The following PDE4D variants were observed in gnomAD, a reference collection of about 807,000 sequenced individuals.
The protein encoded by PDE4D is 3',5'-cyclic-AMP phosphodiesterase 4D.
In PDE4D, 24 loss-of-function variants were observed where a neutral mutation model predicts 87.4. The observed-to-expected ratio is 0.27, with a 90% CI of 0.20 to 0.39. PDE4D has a LOEUF of 0.39. Ranked by LOEUF, PDE4D falls within the 10% of genes least tolerant of loss-of-function variation. The pLI, the probability that PDE4D is intolerant of heterozygous loss-of-function variation, is 1.00. For synonymous variants in PDE4D, 384 were observed against 383.2 expected, an observed-to-expected ratio of 1.00 and a Z score of -0.02; for missense variants, 714 against 1,041.0, an observed-to-expected ratio of 0.69 and a Z score of 4.32.
Position 59,988,612 on chromosome 5 carries a change from G to C in PDE4D, c.148C>G (p.Pro50Ala), listed in dbSNP as rs745781053. Residue 50 changes from proline to alanine, a missense_variant, in exon 3 of 17, where the codon CCT (proline) becomes GCT (alanine). Transcript: ENST00000502484. Reference sequence around the variant, plus strand: ...TGTTCCAACTGTCTGAAGGCGAGAGGGGGAAGCTGAATATTGCGACATGAA... The same window carrying C: ...TGTTCCAACTGTCTGAAGGCGAGAGCGGGAAGCTGAATATTGCGACATGAA... The C allele has an allele frequency of 6.9e-6, 11 of 1,599,204 alleles. No homozygotes were observed. In the East Asian group the frequency reaches 8.9e-5, roughly 13 times the overall value.
Position 59,659,468 on chromosome 5 carries a change from G to A in PDE4D, c.455+233700C>T, listed in dbSNP as rs139237265. 2.1e-3 allele frequency among the ~76,000 whole-genome samples: 327 copies of A among 152,318 alleles called. 5 individuals are homozygous for A. Among genetic ancestry groups the A allele is most frequent in the African/African-American group, 7.7e-3 (319 of 41,582 alleles). ...CTAGCTGAGTGGAGAAAACTGTGAA[G>A]AAAATGAAAATCACAACTGATAAGT... On this transcript the variant is annotated intron_variant, in intron 1 of 14. Transcript: ENST00000340635.
rs1425199995 is a variant in PDE4D, at chr5:60,474,143, TATATATAACA to T, written c.-90+13789_-90+13798del. 5.5e-3 allele frequency among the ~76,000 whole-genome samples: 540 copies of T among 97,888 alleles called. 10 individuals are homozygous for T. The highest frequency in any genetic ancestry group is 0.033 in the African/African-American group (503 of 15,132). The allele number at this position is 97,888 out of a possible 152,430, so 64.2% of individuals were successfully genotyped here. ...ATATATATATATATATATATATATA[TATATATAACA>T]AAAACCTTAGACTGGGCAATTTATA... On this transcript the variant is annotated intron_variant, in intron 1 of 16. Transcript: ENST00000502484.
intron 1 of PDE4D, among the ~76,000 whole-genome samples, chr5:59,756,181 G>T (rs1433631375): frequency 6.6e-6 from 1 of 151,372 alleles, no homozygotes; most frequent in Admixed American, 6.6e-5. Context: ...AACTATGAAG[G>T]GTTTTTTTTT....
chr5:59,727,572 G>C (rs1050386668), intron 1 of PDE4D, among the ~76,000 whole-genome samples: 3 of 152,012 alleles, frequency 2.0e-5, no homozygotes, highest in Admixed American at 2.0e-4. Context: ...AAATAAAAAA[G>C]GGGAAATAAG....
chr5:59,554,019 C>T (rs1818512867), intron 1 of PDE4D, among the ~76,000 whole-genome samples: 1 of 152,114 alleles, frequency 6.6e-6, no homozygotes, highest in South Asian at 2.1e-4. Context: ...AGCTTTCTTC[C>T]TCAGGGCAGC....
chr5:59,716,150 G>A (rs1272681795), intron 1 of PDE4D, among the ~76,000 whole-genome samples: 1 of 152,238 alleles, frequency 6.6e-6, no homozygotes. Context: ...ATGACTCAGT[G>A]AGTTTGGAGC....
chr5:60,301,352 A>G (rs1368521311), intron 1 of PDE4D, among the ~76,000 whole-genome samples: 1 of 152,136 alleles, frequency 6.6e-6, no homozygotes, highest in Non-Finnish European at 1.5e-5. Context: ...TGAGCATGAA[A>G]TGTTGTTCCA....
intron 1 of PDE4D, among the ~76,000 whole-genome samples, chr5:59,231,212 C>A (rs1302223191): frequency 6.6e-6 from 1 of 152,134 alleles, no homozygotes; most frequent in Non-Finnish European, 1.5e-5. Context: ...TGGAATCTGG[C>A]TGAAGACAAA....
chr5:59,628,355 G>A (rs530262598), intron 1 of PDE4D, among the ~76,000 whole-genome samples: 28 of 152,286 alleles, frequency 1.8e-4, no homozygotes, highest in African/African-American at 6.5e-4. Context: ...ATGCTTCTAT[G>A]TCTAGAAATG....
intron 1 of PDE4D, among the ~76,000 whole-genome samples, chr5:59,475,748 C>G (rs1286986713): frequency 6.6e-6 from 1 of 152,056 alleles, no homozygotes; most frequent in Non-Finnish European, 1.5e-5. Context: ...TTTCCAGACT[C>G]AGTCGTTGTA....
intron 1 of PDE4D, among the ~76,000 whole-genome samples, chr5:59,646,787 G>A (rs1180360384): frequency 6.6e-6 from 1 of 152,126 alleles, no homozygotes; most frequent in African/African-American, 2.4e-5. Context: ...TGTAATTCCA[G>A]CACTTTGGGA....
intron 1 of PDE4D, among the ~76,000 whole-genome samples, chr5:60,257,819 C>T (rs891151400): frequency 2.0e-5 from 3 of 151,946 alleles, no homozygotes; most frequent in Non-Finnish European, 4.4e-5. Flanking sequence ...CACAATCTGT[C>T]CCCTCTCCTA....
rs564248041 is a variant in PDE4D at position 59,334,247 on chromosome 5, G to GTT, written c.456-118281_456-118280dup. Among the ~76,000 whole-genome samples, 91 of 98,638 alleles carry GTT rather than the reference G, an allele frequency of 9.2e-4. 2 individuals are homozygous for GTT. Among genetic ancestry groups the GTT allele is most frequent in the East Asian group, 1.5e-3 (5 of 3,240 alleles). 64.7% of individuals were successfully genotyped at this position (98,638 alleles called of 152,430 possible). ...AAGTTGGAAGAGAGGATCCAGTGGA[G>GTT]TTTTTTTTTTTTTTTTTTTTTTTTT... On this transcript the variant is annotated intron_variant, in intron 1 of 14. Coordinates refer to ENST00000340635, the MANE Select transcript of PDE4D (RefSeq NM_001104631.2).
rs759282983 is a variant in PDE4D, at chr5:60,260,597, G to C, written c.-89-74910C>G. Among the ~76,000 whole-genome samples, 3 of 152,100 alleles carry C rather than the reference G, an allele frequency of 2.0e-5. No homozygotes were observed. The South Asian group carries it at 6.2e-4, about 32-fold the overall frequency. ...GAAGACCAACCAGTCACAATTAAGGGACTGAACTAATTGTTCCCTAAGGCG... is the reference window on the plus strand; with the variant it reads ...GAAGACCAACCAGTCACAATTAAGGCACTGAACTAATTGTTCCCTAAGGCG... On this transcript the variant is annotated intron_variant, in intron 1 of 16. Transcript: ENST00000502484.
chr5:59,507,156 AC>A (rs1809408140), intron 1 of PDE4D, among the ~76,000 whole-genome samples: 1 of 152,058 alleles, frequency 6.6e-6, no homozygotes, highest in Non-Finnish European at 1.5e-5. Context: ...AAATGGCAAA[AC>A]CCCATCTCTA....
intron 1 of PDE4D, among the ~76,000 whole-genome samples, chr5:59,340,495 G>T (rs1243753381): frequency 6.6e-6 from 1 of 151,956 alleles, no homozygotes; most frequent in East Asian, 1.9e-4. Flanking sequence ...GGTAAATGAG[G>T]TATCCATCAC....
intron 1 of PDE4D, among the ~76,000 whole-genome samples, chr5:60,397,789 T>C (rs530174872): frequency 1.3e-5 from 2 of 152,208 alleles, no homozygotes; most frequent in East Asian, 3.8e-4. Flanking sequence ...AGTAGATCTA[T>C]AATCTCATCC....
chr5:60,008,511 G>C (rs1188121122), intron 2 of PDE4D, among the ~76,000 whole-genome samples: 1 of 151,950 alleles, frequency 6.6e-6, no homozygotes, highest in Non-Finnish European at 1.5e-5. Flanking sequence ...ACACAGTTTG[G>C]ACTCATCTTT....
chr5:60,301,287 T>C (rs1753867583), intron 1 of PDE4D, among the ~76,000 whole-genome samples: 1 of 152,224 alleles, frequency 6.6e-6, no homozygotes, highest in Non-Finnish European at 1.5e-5. Flanking sequence ...AGCATGAATA[T>C]ATAAATTACT....
Sources: allele counts gnomAD v4.1 joint callset (sites outside exome capture counted in the v4.1 genomes callset), GRCh38; gene constraint gnomAD v4.1.1; transcripts MANE v1.5; gene names NCBI Gene and HGNC (gene_info 2026-07-23, HGNC 2026-07-21).